SPOCK1: variants seen among roughly 807,000 people sequenced by gnomAD.
SPOCK1 encodes the protein SPARC (osteonectin), cwcv and kazal like domains proteoglycan 1.
A neutral mutation model predicts 55.3 loss-of-function variants in SPOCK1; 23 were observed. That is an observed-to-expected ratio of 0.42 (90% CI 0.30 to 0.59). The LOEUF (loss-of-function observed/expected upper bound fraction) is 0.59. Ranked by LOEUF, SPOCK1 falls within the 20% of genes least tolerant of loss-of-function variation. The pLI is 0.22. For missense variants in SPOCK1, 499 were observed against 552.5 expected, an observed-to-expected ratio of 0.90 and a Z score of 0.97; for synonymous variants, 226 against 221.0, an observed-to-expected ratio of 1.02 and a Z score of -0.20.
intron 9 of SPOCK1, among the ~76,000 whole-genome samples, chr5:136,983,948 G>A (rs1430651615): frequency 6.6e-6 from 1 of 152,206 alleles, no homozygotes; most frequent in East Asian, 1.9e-4. Flanking sequence ...GGCAATGTAT[G>A]TTTTAATAAA....
chr5:137,397,547 C>A (rs540631715), intron 2 of SPOCK1, among the ~76,000 whole-genome samples: 1 of 152,170 alleles, frequency 6.6e-6, no homozygotes, highest in African/African-American at 2.4e-5. Flanking sequence ...ATTCATTGTC[C>A]TCTCGCTCCT....
At chr5:137,246,641 G>T (rs1756400648) in intron 3 of SPOCK1, among the ~76,000 whole-genome samples, 1 of 152,164 alleles carries the variant, frequency 6.6e-6, no homozygotes, top group Admixed American at 6.5e-5. Context: ...GGCCCTGACA[G>T]GGGTAAGGAC....
At chr5:137,111,501 A>G (rs1465110327) in intron 5 of SPOCK1, among the ~76,000 whole-genome samples, 3 of 152,152 alleles carry the variant, frequency 2.0e-5, no homozygotes, top group South Asian at 4.1e-4. Context: ...TGTGTCTAGC[A>G]ATGTTAGTCT....
chr5:137,292,957 G>A (rs1757402181), intron 2 of SPOCK1, among the ~76,000 whole-genome samples: 1 of 152,020 alleles, frequency 6.6e-6, no homozygotes. Flanking sequence ...TTTTAATCTT[G>A]TTTATCTTCT....
intron 3 of SPOCK1, among the ~76,000 whole-genome samples, chr5:137,194,441 C>T (rs1044102708): frequency 1.3e-5 from 2 of 152,152 alleles, no homozygotes; most frequent in Non-Finnish European, 2.9e-5. Flanking sequence ...AGCTGAACTG[C>T]AGCAATTCAG....
chr5:137,074,693 T>TTTG lies in SPOCK1; in HGVS notation c.475-6867_475-6865dup, dbSNP rs59523966. 2.7e-3 allele frequency among the ~76,000 whole-genome samples: 399 copies of TTTG among 148,648 alleles called. 2 individuals are homozygous for TTTG. Among genetic ancestry groups the TTTG allele is most frequent in the African/African-American group, 8.1e-3 (328 of 40,488 alleles). ...CACCATGCCCTGCTAATTTTTGTAT[T>TTTG]TTGTTGTTGTTGTTGTTGTTGTTGT... is the stretch of plus-strand genomic sequence containing the variant. On this transcript the variant is annotated intron_variant, in intron 5 of 10. Transcript: ENST00000394945.
intron 2 of SPOCK1, among the ~76,000 whole-genome samples, chr5:137,324,451 AAG>A (rs139248748): frequency 3.5e-4 from 54 of 152,296 alleles, no homozygotes; most frequent in East Asian, 1.2e-3. Context: ...TCTCAAAAAT[AAG>A]AGAGAGAGAA....
chr5:137,080,263 G>A (rs571545547), intron 5 of SPOCK1, among the ~76,000 whole-genome samples: 1 of 152,258 alleles, frequency 6.6e-6, no homozygotes, highest in African/African-American at 2.4e-5. Flanking sequence ...CTAACCTTGC[G>A]AAGCCTGAGT....
chr5:137,201,711 A>C (rs1305708136), intron 3 of SPOCK1, among the ~76,000 whole-genome samples: 2 of 152,198 alleles, frequency 1.3e-5, no homozygotes, highest in African/African-American at 4.8e-5. Flanking sequence ...AAGAAAAAGC[A>C]AAGATAATGC....
intron 2 of SPOCK1, among the ~76,000 whole-genome samples, chr5:137,342,159 C>T (rs4976430): frequency 1 from 152,182 of 152,364 alleles, 76,000 homozygotes; most frequent in Middle Eastern, 1. Flanking sequence ...GACACCTCCG[C>T]GGAGGATAGT....
chr5:137,239,935 T>C (rs59662983), intron 3 of SPOCK1, among the ~76,000 whole-genome samples: 59,535 of 151,978 alleles, frequency 0.39, 12,843 homozygotes, highest in Non-Finnish European at 0.47. Context: ...AAAACTATAA[T>C]AAACCCAACA....
At chr5:137,377,942 C>CTTTTTT (rs3043282) in intron 2 of SPOCK1, among the ~76,000 whole-genome samples, 18 of 104,620 alleles carry the variant, frequency 1.7e-4, no homozygotes, top group South Asian at 3.5e-4. Flanking sequence ...TCACTTCTTC[C>CTTTTTT]TTTTTTTTTT....
At chr5:137,235,514 G>C (rs1343157464) in intron 3 of SPOCK1, among the ~76,000 whole-genome samples, 1 of 152,222 alleles carries the variant, frequency 6.6e-6, no homozygotes, top group Non-Finnish European at 1.5e-5. Flanking sequence ...CCCAGATAAA[G>C]TGTGGCTACA....
At chr5:137,361,144 ATCTGCAAG>A (rs1490803296) in intron 2 of SPOCK1, among the ~76,000 whole-genome samples, 4 of 152,224 alleles carry the variant, frequency 2.6e-5, no homozygotes, top group African/African-American at 9.6e-5. Context: ...GAAGTTAGCC[ATCTGCAAG>A]TCAGCAAGTG....
intron 3 of SPOCK1, among the ~76,000 whole-genome samples, chr5:137,205,137 C>T (rs1755495852): frequency 6.6e-6 from 1 of 152,202 alleles, no homozygotes; most frequent in Non-Finnish European, 1.5e-5. Context: ...AGACTATAGG[C>T]TTCACAAGAG....
chr5:137,052,486 G>A (rs1370086475), intron 6 of SPOCK1, among the ~76,000 whole-genome samples: 1 of 152,122 alleles, frequency 6.6e-6, no homozygotes, highest in Non-Finnish European at 1.5e-5. Context: ...TGTAACAGAA[G>A]ACTTACAGTA....
intron 3 of SPOCK1, among the ~76,000 whole-genome samples, chr5:137,142,301 A>C (rs1474676757): frequency 1.3e-5 from 2 of 152,232 alleles, no homozygotes; most frequent in African/African-American, 4.8e-5. Flanking sequence ...TGTAGAGGAC[A>C]TCACTGTTCC....
At position 137,277,181 on chromosome 5, in the gene SPOCK1, AT is replaced by A. The variant is rs57205663; in HGVS notation, c.187-10127del. 9.5e-3 allele frequency among the ~76,000 whole-genome samples: 1,441 copies of A among 151,970 alleles called. 38 individuals carry two copies. Among genetic ancestry groups the A allele is most frequent in the African/African-American group, 0.033 (1,372 of 41,442 alleles). On this transcript the variant is annotated intron_variant, in intron 2 of 10. Coordinates refer to ENST00000394945, the MANE Select transcript of SPOCK1 (RefSeq NM_004598.4). ...AGGTGTACACCACCATGCCCAGCTA[AT>A]TTTTAAATTTTTTGTAGAGATGGGG...
At chr5:137,423,545 C>A (rs1752546141) in intron 2 of SPOCK1, among the ~76,000 whole-genome samples, 1 of 152,196 alleles carries the variant, frequency 6.6e-6, no homozygotes. Flanking sequence ...GCTGTGCTAG[C>A]AATGAGCGAG....
Sources: allele counts gnomAD v4.1 joint callset (sites outside exome capture counted in the v4.1 genomes callset), GRCh38; gene constraint gnomAD v4.1.1; transcripts MANE v1.5; gene names NCBI Gene and HGNC (gene_info 2026-07-23, HGNC 2026-07-21).